LRRC3: variants seen among roughly 807,000 people sequenced by gnomAD.
LRRC3 encodes leucine rich repeat containing 3.
For missense variants in LRRC3, 351 were observed against 361.6 expected (o/e 0.97, Z 0.24); for synonymous variants, 172 against 164.1 (o/e 1.05, Z -0.37).
chr21:44,459,670 T>A lies in LRRC3; in HGVS notation c.*2252T>A, dbSNP rs2145877922. ...GCATTTTGGGGTGCCCTTTCCCTGC[T>A]GCCAGGGGACTCTTCATTTGTCCTT... On this transcript the variant is annotated 3_prime_UTR_variant, in exon 2 of 2. Transcript: ENST00000291592. 1 of 153,148 alleles carries A rather than the reference T, an allele frequency of 6.5e-6. No individual in the cohort carries two copies. The highest frequency in any genetic ancestry group is 2.1e-4 in the South Asian group (1 of 4,836). The allele number at this position is 153,148 out of a possible 1,614,324, so 9.5% of individuals were successfully genotyped here.
Position 44,456,971 on chromosome 21 carries a change from G to A in LRRC3, c.327G>A (p.Ala109=), listed in dbSNP as rs61735250. The A allele has an allele frequency of 5.6e-3, 9,045 of 1,607,444 alleles. 466 individuals are homozygous for A. The African/African-American group carries it at 0.11, about 19-fold the overall frequency. Residue 109 remains alanine (A), a synonymous_variant, in exon 2 of 2, where the codon GCG becomes GCA. Coordinates refer to ENST00000291592, the MANE Select transcript of LRRC3 (RefSeq NM_030891.6). ...AIEAIGSATF[A]GLAGGLRLLD... ...AGGCCATCGGCTCCGCCACCTTCGC[G>A]GGCCTGGCCGGGGGCCTGCGGCTGC...
In LRRC3 at chr21:44,458,028, CT is replaced by C. The variant is rs2051719948; in HGVS notation, c.*616del. 1 of 167,314 alleles carries C rather than the reference CT, an allele frequency of 6.0e-6. No individual in the cohort carries two copies. The highest frequency in any genetic ancestry group is 6.5e-5 in the Admixed American group (1 of 15,290). 10.4% of individuals were successfully genotyped at this position (167,314 alleles called of 1,614,324 possible). A position where few individuals can be genotyped will look rare whatever the true frequency, so the allele number is the denominator to read the frequency against. On this transcript the variant is annotated 3_prime_UTR_variant, in exon 2 of 2. Coordinates refer to ENST00000291592, the MANE Select transcript of LRRC3 (RefSeq NM_030891.6). ...TGTAGCTCAAACAAACTGTCCTACC[CT>C]TTTTTATTCTCAAATGTTTGTTTTG...
Position 44,457,417 on chromosome 21 carries a change from A to AGC in LRRC3, c.*2_*3dup. 1.9e-6 allele frequency: 3 copies of AGC among 1,570,294 alleles called. No homozygotes were observed. Among genetic ancestry groups the AGC allele is most frequent in the Non-Finnish European group, 8.7e-7 (1 of 1,153,526 alleles). ...AAGGACCCCATCGGCCCGGGGCCCT[A>AGC]GCGCCTGTTCCGGCAGACCCCCGCC... is the stretch of plus-strand genomic sequence containing the variant. ...ASKDPIGPGP[*] The change falls in exon 2 of 2, where the codon TAG becomes TAGCG. Residue 258 remains the stop codon, a frameshift_variant and stop_retained_variant. Coordinates refer to ENST00000291592, the MANE Select transcript of LRRC3 (RefSeq NM_030891.6). LOFTEE classifies it high-confidence loss of function.
In LRRC3 at chr21:44,458,717, G is replaced by A. The variant is rs747067246; in HGVS notation, c.*1299G>A. 6.0e-6 allele frequency: 1 copy of A among 166,882 alleles called. No homozygotes were observed. Among genetic ancestry groups the A allele is most frequent in the Non-Finnish European group, 1.5e-5 (1 of 68,116 alleles). The allele number at this position is 166,882 out of a possible 1,614,324, so 10.3% of individuals were successfully genotyped here. A position where few individuals can be genotyped will look rare whatever the true frequency, so the allele number is the denominator to read the frequency against. ...GTAATTCCTAATTTTATTTTTTATT[G>A]TCCTTTTTATGAGTGTTTATATTTT... On this transcript the variant is annotated 3_prime_UTR_variant, in exon 2 of 2. Coordinates refer to ENST00000291592, the MANE Select transcript of LRRC3 (RefSeq NM_030891.6).
chr21:44,456,739 C>T lies in LRRC3; in HGVS notation c.95C>T (p.Ala32Val). The T allele has an allele frequency of 6.2e-7, 1 of 1,609,938 alleles. No individual in the cohort carries two copies. The highest frequency in any genetic ancestry group is 8.5e-7 in the Non-Finnish European group (1 of 1,179,862). The change falls in exon 2 of 2, where the codon GCC becomes GTC. Residue 32 changes from alanine to valine, a missense_variant. By Grantham distance (64) the Ala-to-Val change is moderately conservative. Transcript: ENST00000291592. Reference protein sequence around the residue: ...FLLFCLHLGAACPQPCRCPDH... With the variant: ...FLLFCLHLGAVCPQPCRCPDH... ...CTCTTCTGCCTGCACCTGGGCGCCGCCTGCCCACAGCCCTGCCGGTGCCCT... is the reference window on the plus strand; with the variant it reads ...CTCTTCTGCCTGCACCTGGGCGCCGTCTGCCCACAGCCCTGCCGGTGCCCT...
chr21:44,457,230 T>C lies in LRRC3; in HGVS notation c.586T>C (p.Cys196Arg). 1 of 1,614,020 alleles carries C rather than the reference T, an allele frequency of 6.2e-7. No homozygotes were observed. The highest frequency in any genetic ancestry group is 1.1e-5 in the South Asian group (1 of 91,088). The change falls in exon 2 of 2, where the codon TGC becomes CGC. Residue 196 changes from cysteine (C) to arginine (R), a missense_variant. Physicochemically the swap from Cys to Arg is radical, Grantham distance 180. Transcript: ENST00000291592. ...VQALDAGASL[C>R]SVPHRTTDVA... ...GGCTCTGGATGCGGGTGCCAGCCTC[T>C]GCAGCGTCCCCCACAGGACCACAGA...
chr21:44,457,743 G>A lies in LRRC3; in HGVS notation c.*325G>A. 5.2e-6 allele frequency: 2 copies of A among 387,430 alleles called. No individual in the cohort carries two copies. The highest frequency in any genetic ancestry group is 4.9e-6 in the Non-Finnish European group (1 of 202,706). The allele number at this position is 387,430 out of a possible 1,614,324, so 24.0% of individuals were successfully genotyped here. On this transcript the variant is annotated 3_prime_UTR_variant, in exon 2 of 2. Transcript: ENST00000291592. ...AGCCTCTCCCACACGGGGCCCTGCAGGCTGTGGATATGCACTCAGAGGACT... is the reference window on the plus strand; with the variant it reads ...AGCCTCTCCCACACGGGGCCCTGCAAGCTGTGGATATGCACTCAGAGGACT...
chr21:44,456,797 C>T lies in LRRC3; in HGVS notation c.153C>T (p.Ser51=). Residue 51 remains serine (S), a synonymous_variant, in exon 2 of 2, where the codon AGC becomes AGT. Coordinates refer to ENST00000291592, the MANE Select transcript of LRRC3 (RefSeq NM_030891.6). Reference sequence around the variant, plus strand: ...CAGGGGCTGTGGCTGTCTTCTGCAGCTTGCGGGGCCTTCAGGAGGTCCCCG... The same window carrying T: ...CAGGGGCTGTGGCTGTCTTCTGCAGTTTGCGGGGCCTTCAGGAGGTCCCCG... ...DHAGAVAVFC[S]LRGLQEVPED... 6.2e-7 allele frequency: 1 copy of T among 1,611,724 alleles called. No homozygotes were observed. Among genetic ancestry groups the T allele is most frequent in the Non-Finnish European group, 8.5e-7 (1 of 1,179,844 alleles).
intron 1 of LRRC3, 145 bp from the exon 2 acceptor site, chr21:44,456,353 T>C: frequency 2.3e-6 from 1 of 430,334 alleles, no homozygotes; most frequent in Admixed American, 4.1e-5. Flanking sequence ...GCAGAGCTGT[T>C]TAAGGAGGCG....
Position 44,456,788 on chromosome 21 carries a change from C to T in LRRC3, c.144C>T (p.Val48=). The T allele has an allele frequency of 1.9e-6, 3 of 1,611,570 alleles. No individual in the cohort carries two copies. The highest frequency in any genetic ancestry group is 1.1e-5 in the South Asian group (1 of 91,076). The part of the protein sequence containing the change: ...RCPDHAGAVA[V]FCSLRGLQEV... The stretch of plus-strand genomic sequence containing the variant: ...CTGACCACGCAGGGGCTGTGGCTGT[C>T]TTCTGCAGCTTGCGGGGCCTTCAGG... Residue 48 remains valine (V), a synonymous_variant, in exon 2 of 2, where the codon GTC becomes GTT. Transcript: ENST00000291592.
At position 44,456,571 on chromosome 21, in the gene LRRC3, T is replaced by C. The variant is rs2051701447; in HGVS notation, c.-74T>C. The C allele has an allele frequency of 1.4e-6, 2 of 1,477,798 alleles. No individual in the cohort carries two copies. Among genetic ancestry groups the C allele is most frequent in the Admixed American group, 2.1e-5 (1 of 48,510 alleles). The allele number at this position is 1,477,798 out of a possible 1,614,324, so 91.5% of individuals were successfully genotyped here. On this transcript the variant is annotated 5_prime_UTR_variant, in exon 2 of 2. Coordinates refer to ENST00000291592, the MANE Select transcript of LRRC3 (RefSeq NM_030891.6). ...GTTTCATGTCTGGTTGGATAAGGCC[T>C]TGCCTGCGGAAACCAGCTCCATCCC...
rs1601288372 is a variant in LRRC3 at position 44,456,690 on chromosome 21, A to C, written c.46A>C (p.Thr16Pro). The C allele has an allele frequency of 6.2e-7, 1 of 1,608,344 alleles. No individual in the cohort carries two copies. The highest frequency in any genetic ancestry group is 8.5e-7 in the Non-Finnish European group (1 of 1,179,084). ...TCGCCCCTCGCTCCTGCTGGTCTCC[A>C]CCCGGGAGTCTTGTCTCTTCCTCCT... ...PPRPSLLLVS[T>P]RESCLFLLFC... is the part of the protein sequence containing the mutation. Residue 16 changes from threonine (T) to proline (P), a missense_variant, in exon 2 of 2, where the codon ACC becomes CCC. Coordinates refer to ENST00000291592, the MANE Select transcript of LRRC3 (RefSeq NM_030891.6).
Position 44,458,170 on chromosome 21 carries a change from C to A in LRRC3, c.*752C>A. On this transcript the variant is annotated 3_prime_UTR_variant, in exon 2 of 2. Transcript: ENST00000291592. ...AAGACAGCAGCCACATACCTGGGGGCCCGCCTGCTTCCTGCCCCTCTGGGT... is the reference window on the plus strand; with the variant it reads ...AAGACAGCAGCCACATACCTGGGGGACCGCCTGCTTCCTGCCCCTCTGGGT... 1 of 160,252 alleles carries A rather than the reference C, an allele frequency of 6.2e-6. No individual in the cohort carries two copies. The highest frequency in any genetic ancestry group is 1.5e-5 in the Non-Finnish European group (1 of 68,158). The allele number at this position is 160,252 out of a possible 1,614,324, so 9.9% of individuals were successfully genotyped here. A position where few individuals can be genotyped will look rare whatever the true frequency, so the allele number is the denominator to read the frequency against.
chr21:44,456,769 AC>A lies in LRRC3; in HGVS notation c.126del (p.His42GlnfsTer28). On this transcript the variant is annotated frameshift_variant, in exon 2 of 2. Transcript: ENST00000291592. LOFTEE classifies it low-confidence loss of function (END_TRUNC). Reference protein sequence around the residue: ...ACPQPCRCPDHAGAVAVFCSL... With the variant: ...ACPQPCRCPDXAGAVAVFCSL... ...CCACAGCCCTGCCGGTGCCCTGACC[AC>A]GCAGGGGCTGTGGCTGTCTTCTGCA... 1.2e-6 allele frequency: 2 copies of A among 1,610,866 alleles called. No individual in the cohort carries two copies. Among genetic ancestry groups the A allele is most frequent in the Non-Finnish European group, 1.7e-6 (2 of 1,179,864 alleles).
chr21:44,456,354 T>C (rs2051699443), intron 1 of LRRC3, 144 bp from the exon 2 acceptor site: 5 of 434,908 alleles, frequency 1.1e-5, no homozygotes, highest in Non-Finnish European at 2.1e-5. Context: ...CAGAGCTGTT[T>C]AAGGAGGCGT....
chr21:44,456,380 C>A, intron 1 of LRRC3, 118 bp from the exon 2 acceptor site: 1 of 524,298 alleles, frequency 1.9e-6, no homozygotes, highest in Non-Finnish European at 3.4e-6. Flanking sequence ...CCACCCCAGA[C>A]CCTTCAGTGG....
rs775581847 is a variant in LRRC3 at position 44,457,836 on chromosome 21, C to T, written c.*418C>T. On this transcript the variant is annotated 3_prime_UTR_variant, in exon 2 of 2. Transcript: ENST00000291592. ...TGGGTGCAGGTTCACCCGCTGAAGG[C>T]GCTGATAAGTCCTGTGCTGAGGAGC... The T allele has an allele frequency of 3.7e-5, 8 of 214,280 alleles. No individual in the cohort carries two copies. The highest frequency in any genetic ancestry group is 1.6e-4 in the African/African-American group (7 of 42,710). The allele number at this position is 214,280 out of a possible 1,614,324, so 13.3% of individuals were successfully genotyped here.
rs962616654 is a variant in LRRC3, at chr21:44,459,025, C to G, written c.*1607C>G. 6.4e-6 allele frequency: 1 copy of G among 155,246 alleles called. No homozygotes were observed. The highest frequency in any genetic ancestry group is 2.4e-5 in the African/African-American group (1 of 41,458). The allele number at this position is 155,246 out of a possible 1,614,324, so 9.6% of individuals were successfully genotyped here. ...GGCTTTGCTCTGCCCACAGTGCAGA[C>G]GCGGGGTGGGTGAGGGGCCAGGCCC... On this transcript the variant is annotated 3_prime_UTR_variant, in exon 2 of 2. Coordinates refer to ENST00000291592, the MANE Select transcript of LRRC3 (RefSeq NM_030891.6).
Position 44,456,965 on chromosome 21 carries a change from C to A in LRRC3, c.321C>A (p.Thr107=), listed in dbSNP as rs2051707630. The change falls in exon 2 of 2, where the codon ACC becomes ACA. Residue 107 remains threonine, a synonymous_variant. Coordinates refer to ENST00000291592, the MANE Select transcript of LRRC3 (RefSeq NM_030891.6). ...CCATCGAGGCCATCGGCTCCGCCAC[C>A]TTCGCGGGCCTGGCCGGGGGCCTGC... The part of the protein sequence containing the change: ...HNAIEAIGSA[T]FAGLAGGLRL... The A allele has an allele frequency of 1.2e-6, 2 of 1,607,970 alleles. No homozygotes were observed. The highest frequency in any genetic ancestry group is 1.7e-6 in the Non-Finnish European group (2 of 1,179,890).
Sources: gnomAD v4.1 joint callset for allele counts on GRCh38, gnomAD v4.1.1 for gene constraint, MANE v1.5 for transcripts, NCBI Gene and HGNC (gene_info 2026-07-23, HGNC 2026-07-21) for gene names.